The following DPP6 variants were observed in gnomAD, a reference collection of about 807,000 sequenced individuals.
The protein encoded by DPP6 is A-type potassium channel modulatory protein DPP6.
Under a neutral mutation model 122.6 loss-of-function variants are expected in DPP6, and 69 were observed. The observed-to-expected ratio is 0.56, with a 90% CI of 0.46 to 0.69. DPP6 has a LOEUF of 0.69. Ranked by LOEUF, DPP6 falls within the 30% of genes least tolerant of loss-of-function variation. DPP6 has a pLI of 0.00. For missense variants in DPP6, 928 were observed against 1,116.9 expected (o/e 0.83, Z 2.41); for synonymous variants, 418 against 433.1 (o/e 0.97, Z 0.43).
At chr7:154,141,629 A>G (rs1377637830) in intron 1 of DPP6, among the ~76,000 whole-genome samples, 1 of 152,226 alleles carries the variant, frequency 6.6e-6, no homozygotes, top group African/African-American at 2.4e-5. Context: ...TGCTTCTGTT[A>G]GAAGGGACCT....
chr7:153,948,822 C>T (rs80155740), intron 1 of DPP6, among the ~76,000 whole-genome samples: 6,887 of 143,318 alleles, frequency 0.048, 207 homozygotes, highest in Non-Finnish European at 0.061. Context: ...CTGGCCCATA[C>T]GAGATATTAA....
chr7:153,904,277 C>G (rs1799756227), intron 1 of DPP6, among the ~76,000 whole-genome samples: 1 of 152,160 alleles, frequency 6.6e-6, no homozygotes, highest in South Asian at 2.1e-4. Flanking sequence ...GTCTCGAACT[C>G]CTGAGCTCAA....
At chr7:154,884,894 TCACA>T (rs763819139) in intron 21 of DPP6, 40 of 152,204 alleles carry the variant, frequency 2.6e-4, no homozygotes, top group African/African-American at 7.7e-4. Context: ...TACACACATA[TCACA>T]CACACACACC....
chr7:154,011,956 A>G (rs1186788524), intron 1 of DPP6, among the ~76,000 whole-genome samples: 3 of 152,212 alleles, frequency 2.0e-5, no homozygotes, highest in Admixed American at 1.3e-4. Context: ...TTATGATGAA[A>G]CTGTACAAAA....
At chr7:154,435,609 AT>A (rs1454194602) in intron 1 of DPP6, among the ~76,000 whole-genome samples, 1 of 152,246 alleles carries the variant, frequency 6.6e-6, no homozygotes, top group African/African-American at 2.4e-5. Context: ...CTGGATGATT[AT>A]TGACGGACAC....
intron 1 of DPP6, among the ~76,000 whole-genome samples, chr7:154,145,439 C>A (rs566842934): frequency 9.2e-5 from 14 of 152,312 alleles, no homozygotes; most frequent in African/African-American, 3.4e-4. Context: ...AGAAATATAG[C>A]CCAGCCAAAC....
intron 3 of DPP6, among the ~76,000 whole-genome samples, chr7:154,492,996 C>T (rs1824415036): frequency 6.6e-6 from 1 of 152,106 alleles, no homozygotes; most frequent in South Asian, 2.1e-4. Flanking sequence ...TAAACATGGC[C>T]CAGTGACCCC....
chr7:153,934,216 T>G (rs1335567657), intron 1 of DPP6, among the ~76,000 whole-genome samples: 1 of 152,090 alleles, frequency 6.6e-6, no homozygotes, highest in Non-Finnish European at 1.5e-5. Context: ...GACAGGGTAC[T>G]TCTGTGGCTC....
At chr7:154,700,731 A>G (rs1249389752) in intron 7 of DPP6, among the ~76,000 whole-genome samples, 1 of 151,746 alleles carries the variant, frequency 6.6e-6, no homozygotes, top group Non-Finnish European at 1.5e-5. Flanking sequence ...GAACCCCATC[A>G]CACACACAGA....
rs372086985 is a variant in DPP6 at position 154,498,548 on chromosome 7, G to A, written c.457+23511G>A. On this transcript the variant is annotated intron_variant, in intron 3 of 25. Transcript: ENST00000377770. ...AGATGGGGTTTCACCATGTTGGCCAGGCTGGTCTCGAACTCCTGACCTCAA... is the reference window on the plus strand; with the variant it reads ...AGATGGGGTTTCACCATGTTGGCCAAGCTGGTCTCGAACTCCTGACCTCAA... Among the ~76,000 whole-genome samples, 20 of 152,252 alleles carry A rather than the reference G, an allele frequency of 1.3e-4. 1 individual carries two copies. The East Asian group carries it at 1.5e-3, about 12-fold the overall frequency.
At chr7:154,641,863 A>AT (rs1019419951) in intron 6 of DPP6, among the ~76,000 whole-genome samples, 5 of 152,008 alleles carry the variant, frequency 3.3e-5, no homozygotes, top group Non-Finnish European at 7.4e-5. Flanking sequence ...GTTCAAAGGC[A>AT]TTTTTTTACG....
chr7:154,371,508 GT>G (rs946483402), intron 1 of DPP6, among the ~76,000 whole-genome samples: 33 of 151,970 alleles, frequency 2.2e-4, no homozygotes, highest in African/African-American at 7.5e-4. Flanking sequence ...ATTCTCCTGA[GT>G]AGGCTCAAGC....
chr7:153,803,713 C>T, the DPP6 span, among the ~76,000 whole-genome samples: 1 of 150,942 alleles, frequency 6.6e-6, no homozygotes, highest in Non-Finnish European at 1.5e-5. Context: ...ATATAGATAT[C>T]TCTTAGATAT....
chr7:154,770,108 T>G (rs1179308810), intron 9 of DPP6, among the ~76,000 whole-genome samples: 1 of 152,202 alleles, frequency 6.6e-6, no homozygotes, highest in Non-Finnish European at 1.5e-5. Flanking sequence ...CCTTCATGAT[T>G]GGGATTAGTG....
chr7:154,287,914 C>T (rs145248101), intron 1 of DPP6, among the ~76,000 whole-genome samples: 32 of 152,206 alleles, frequency 2.1e-4, no homozygotes, highest in East Asian at 1.9e-3. Context: ...TGAATGTGTC[C>T]GGAGAGTTTT....
chr7:154,302,986 T>TGTTC (rs1398398569), intron 1 of DPP6, among the ~76,000 whole-genome samples: 2 of 151,902 alleles, frequency 1.3e-5, no homozygotes, highest in African/African-American at 2.4e-5. Flanking sequence ...TTTTTTTGTT[T>TGTTC]GTTTGTTTGT....
At chr7:154,809,787 C>G (rs1798931986) in intron 16 of DPP6, among the ~76,000 whole-genome samples, 1 of 152,212 alleles carries the variant, frequency 6.6e-6, no homozygotes, top group African/African-American at 2.4e-5. Flanking sequence ...TGAGGCTGAG[C>G]TGCTCGGTCA....
intron 1 of DPP6, among the ~76,000 whole-genome samples, chr7:154,427,555 A>G (rs985650055): frequency 3.3e-5 from 5 of 152,264 alleles, no homozygotes; most frequent in African/African-American, 1.2e-4. Context: ...AACAGAAGTT[A>G]TCATAAACAT....
chr7:154,498,651 A>G (rs1409881135), intron 3 of DPP6, among the ~76,000 whole-genome samples: 2 of 152,088 alleles, frequency 1.3e-5, no homozygotes, highest in African/African-American at 2.4e-5. Flanking sequence ...TAGACCATCT[A>G]TTATGGCTAG....
Sources: gnomAD v4.1 joint callset for allele counts (sites outside exome capture counted in the v4.1 genomes callset) on GRCh38, gnomAD v4.1.1 for gene constraint, MANE v1.5 for transcripts, NCBI Gene and HGNC (gene_info 2026-07-23, HGNC 2026-07-21) for gene names.